The following PIEZO1 variants were observed in gnomAD, a reference collection of about 807,000 sequenced individuals.
The protein encoded by PIEZO1 is piezo type mechanosensitive ion channel component 1 (Er blood group).
Under a neutral mutation model 297.2 loss-of-function variants are expected in PIEZO1, and 296 were observed. The ratio of observed to expected loss-of-function variants is 1.00; its 90% CI spans 0.91 to 1.10. The LOEUF is 1.10. Among genes scored for constraint, PIEZO1 ranks in the 50% least tolerant of loss-of-function variants. The probability of loss-of-function intolerance (pLI) is 0.00; values close to 1 mark genes in which losing one functional copy is unlikely to be tolerated. For synonymous variants in PIEZO1, 2,427 were observed against 1,507.5 expected, an observed-to-expected ratio of 1.61 and a Z score of -14.13; for missense variants, 5,018 against 3,455.5, an observed-to-expected ratio of 1.45 and a Z score of -11.34.
At chr16:88,743,243 C>T in intron 2 of PIEZO1, 1 of 456,558 alleles carries the variant, frequency 2.2e-6, no homozygotes, top group Non-Finnish European at 4.4e-6. Context: ...CTGGCTTCAC[C>T]TCTGCTCTCG....
chr16:88,731,403 C>G, intron 22 of PIEZO1: 1 of 385,436 alleles, frequency 2.6e-6, no homozygotes. Flanking sequence ...GCACGGGGCC[C>G]GGAGAGGACG....
chr16:88,732,316 G>C lies in PIEZO1; in HGVS notation c.2991+19C>G. 2 of 1,542,490 alleles carry C rather than the reference G, an allele frequency of 1.3e-6. No homozygotes were observed. Among genetic ancestry groups the C allele is most frequent in the South Asian group, 1.2e-5 (1 of 83,754 alleles). On this transcript the variant is annotated intron_variant, in intron 21 of 50. Transcript: ENST00000301015. Reference sequence around the variant, plus strand: ...AAGGCCAAGCCCTGCCCCAGGGGGAGGCAATGTCCTTGCCTCACCTCCAGC... The same window carrying C: ...AAGGCCAAGCCCTGCCCCAGGGGGACGCAATGTCCTTGCCTCACCTCCAGC...
At chr16:88,755,450 AC>A (rs1480873909) in intron 1 of PIEZO1, among the ~76,000 whole-genome samples, 10 of 151,564 alleles carry the variant, frequency 6.6e-5, no homozygotes, top group African/African-American at 1.7e-4. Flanking sequence ...GAATCTGGCC[AC>A]CCCACCCGCC....
Position 88,741,527 on chromosome 16 carries a change from C to A in PIEZO1, c.416G>T (p.Cys139Phe). 6.5e-7 allele frequency: 1 copy of A among 1,535,702 alleles called. No homozygotes were observed. The highest frequency in any genetic ancestry group is 2.4e-5 in the East Asian group (1 of 40,922). ...LVVSSVCLGI[C>F]GRLARNTRQS... ...CCGGGTGTTCCTTGCAAGGCGCCCG[C>A]AGATGCCGAGGCAGACAGAGGAGAC... Residue 139 changes from cysteine to phenylalanine, a missense_variant, in exon 5 of 51, where the codon TGC (cysteine) becomes TTC (phenylalanine). Coordinates refer to ENST00000301015, the MANE Select transcript of PIEZO1 (RefSeq NM_001142864.4).
chr16:88,732,275 C>T (rs1408892286), intron 21 of PIEZO1, 60 bp downstream of exon 21: 2 of 1,427,218 alleles, frequency 1.4e-6, no homozygotes, highest in Admixed American at 4.0e-5. Context: ...CACGGTGCAG[C>T]CGTCCCTCCC....
Position 88,727,058 on chromosome 16 carries a change from G to A in PIEZO1, c.3436C>T (p.Pro1146Ser), listed in dbSNP as rs1220607592. The A allele has an allele frequency of 2.6e-6, 4 of 1,549,162 alleles. No individual in the cohort carries two copies. The East Asian group carries it at 9.8e-5, about 38-fold the overall frequency. ...ACCCACCTGCAGTGGATAAAGTTGG[G>A]CACGGGGTTGGGCTCCCCCCGCAGC... is the stretch of plus-strand genomic sequence containing the variant. ...EPLRGEPNPV[P>S]NFIHCRSYLD... Residue 1146 changes from proline (P) to serine (S), a missense_variant, in exon 24 of 51, where the codon CCC becomes TCC. Physicochemically the swap from Pro to Ser is moderately conservative, Grantham distance 74. Coordinates refer to ENST00000301015, the MANE Select transcript of PIEZO1 (RefSeq NM_001142864.4).
rs1210922584 is a variant in PIEZO1, at chr16:88,743,032, T to A, written c.161-610A>T. The stretch of plus-strand genomic sequence containing the variant: ...TTTCAGGCACCTGCTGTGCACCAGG[T>A]CAGGCCCCAGACCGGCATCCTCTCT... On this transcript the variant is annotated intron_variant, in intron 2 of 50. Transcript: ENST00000301015. 5.5e-5 allele frequency: 25 copies of A among 456,232 alleles called. No homozygotes were observed. In the Middle Eastern group the frequency reaches 4.6e-3, roughly 83 times the overall value. 28.3% of individuals were successfully genotyped at this position (456,232 alleles called of 1,614,324 possible). A position where few individuals can be genotyped will look rare whatever the true frequency, so the allele number is the denominator to read the frequency against.
chr16:88,765,964 C>T (rs1406907839), intron 1 of PIEZO1, among the ~76,000 whole-genome samples: 1 of 152,128 alleles, frequency 6.6e-6, no homozygotes, highest in African/African-American at 2.4e-5. Flanking sequence ...GTGAGCACTG[C>T]ACCCGGCCGC....
chr16:88,737,674 A>G (rs1905325162), intron 9 of PIEZO1, 28 bp from the exon 10 acceptor site: 1 of 1,533,296 alleles, frequency 6.5e-7, no homozygotes, highest in South Asian at 1.2e-5. Flanking sequence ...TGAGCCATGC[A>G]CGGGCTGGCC....
At chr16:88,774,798 C>T (rs1384731919) in intron 1 of PIEZO1, among the ~76,000 whole-genome samples, 1 of 152,228 alleles carries the variant, frequency 6.6e-6, no homozygotes, top group East Asian at 1.9e-4. Context: ...CCGGAGCCGG[C>T]TGCGCAGGAG....
At chr16:88,780,957 TAAGAAAAAA>T (rs1431209910) in intron 1 of PIEZO1, among the ~76,000 whole-genome samples, 2 of 152,122 alleles carry the variant, frequency 1.3e-5, no homozygotes, top group Non-Finnish European at 2.9e-5. Flanking sequence ...CCTCTGTCTT[TAAGAAAAAA>T]GAGAAAAAAG....
intron 12 of PIEZO1, 38 bp from the exon 13 acceptor site, chr16:88,735,284 C>A (rs545498413): frequency 1.5e-4 from 216 of 1,410,724 alleles, no homozygotes; most frequent in South Asian, 4.4e-4. Flanking sequence ...AGCCGGGGGG[C>A]CCAGCACCCC....
intron 29 of PIEZO1, 62 bp from the exon 30 acceptor site, chr16:88,725,142 G>A (rs749648124): frequency 8.6e-7 from 1 of 1,167,030 alleles, no homozygotes; most frequent in Non-Finnish European, 1.2e-6. Context: ...TCGGGGCTGT[G>A]AGTGCTCCCG....
intron 18 of PIEZO1, 22 bp downstream of exon 18, chr16:88,733,566 C>CT (rs1444042877): frequency 6.5e-7 from 1 of 1,529,868 alleles, no homozygotes; most frequent in Admixed American, 2.0e-5. Context: ...AGATGGGAAG[C>CT]TGAGTTGCCT....
Position 88,735,071 on chromosome 16 carries a change from G to A in PIEZO1, c.1670-18C>T, listed in dbSNP as rs1308916538. ...CGTGGGCTCTGTGGGCCAAGCCAGGGGCAGGCGATGGCATCAGGGCGGGCA... is the reference window on the plus strand; with the variant it reads ...CGTGGGCTCTGTGGGCCAAGCCAGGAGCAGGCGATGGCATCAGGGCGGGCA... On this transcript the variant is annotated intron_variant, in intron 13 of 50. Coordinates refer to ENST00000301015, the MANE Select transcript of PIEZO1 (RefSeq NM_001142864.4). The A allele has an allele frequency of 2.6e-6, 4 of 1,549,994 alleles. No individual in the cohort carries two copies. The highest frequency in any genetic ancestry group is 2.0e-5 in the Admixed American group (1 of 50,990).
Position 88,736,746 on chromosome 16 carries a change from G to A in PIEZO1, c.1196-7C>T, listed in dbSNP as rs1310311016. On this transcript the variant is annotated splice_region_variant and splice_polypyrimidine_tract_variant and intron_variant, in intron 10 of 50. Transcript: ENST00000301015. ...TCAGCCCGCTTGGGCCGCACTGCAG[G>A]TGGGGACAGCGGTCAGCTTCGGCAG... 3 of 1,511,872 alleles carry A rather than the reference G, an allele frequency of 2.0e-6. No individual in the cohort carries two copies. Among genetic ancestry groups the A allele is most frequent in the East Asian group, 2.5e-5 (1 of 40,450 alleles). The allele number at this position is 1,511,872 out of a possible 1,614,324, so 93.7% of individuals were successfully genotyped here.
At chr16:88,779,465 ACCT>A (rs1907827718) in intron 1 of PIEZO1, among the ~76,000 whole-genome samples, 1 of 151,920 alleles carries the variant, frequency 6.6e-6, no homozygotes, top group Non-Finnish European at 1.5e-5. Flanking sequence ...GGGGCCCCCA[ACCT>A]CCTTTCCTGG....
chr16:88,743,219 G>C, intron 2 of PIEZO1: 1 of 456,478 alleles, frequency 2.2e-6, no homozygotes, highest in Non-Finnish European at 4.4e-6. Context: ...TGTGGCTGGG[G>C]GCACTCAGGA....
intron 2 of PIEZO1, among the ~76,000 whole-genome samples, chr16:88,749,041 T>A (rs369319400): frequency 9.7e-4 from 140 of 144,100 alleles, no homozygotes; most frequent in African/African-American, 3.0e-3. Flanking sequence ...ATCGAGACCA[T>A]CCTGGCTATC....
Sources: allele counts gnomAD v4.1 joint callset (sites outside exome capture counted in the v4.1 genomes callset), GRCh38; gene constraint gnomAD v4.1.1; transcripts MANE v1.5; gene names NCBI Gene and HGNC (gene_info 2026-07-23, HGNC 2026-07-21).